Variants in SAYSD1 observed in about 807,000 individuals in gnomAD.
SAYSD1 encodes SAYSVFN motif domain containing 1.
A neutral mutation model predicts 14.5 loss-of-function variants in SAYSD1; 15 were observed. The ratio of observed to expected loss-of-function variants is 1.03; its 90% CI spans 0.69 to 1.59. SAYSD1 has a LOEUF of 1.59. Among genes scored for constraint, SAYSD1 ranks in the 40% most tolerant of loss-of-function variants. The probability of loss-of-function intolerance (pLI) is 0.00; values close to 1 mark genes in which losing one functional copy is unlikely to be tolerated. For missense variants in SAYSD1, 247 were observed against 227.3 expected, an observed-to-expected ratio of 1.09 and a Z score of -0.56; for synonymous variants, 105 against 102.6, an observed-to-expected ratio of 1.02 and a Z score of -0.14.
chr6:39,108,703 C>G lies in SAYSD1; in HGVS notation c.208-2927G>C, dbSNP rs760645735. ...CCTCATATCACTTGGTTGACCCCTC[C>G]TACTACAAACGGCAAAAATGTCACC... On this transcript the variant is annotated intron_variant, in intron 1 of 1. Coordinates refer to ENST00000229903, the MANE Select transcript of SAYSD1 (RefSeq NM_018322.3). 6.6e-5 allele frequency among the ~76,000 whole-genome samples: 10 copies of G among 152,200 alleles called. 1 individual carries two copies. Among genetic ancestry groups the G allele is most frequent in the Middle Eastern group, 6.8e-3 (2 of 294 alleles).
At position 39,105,735 on chromosome 6, in the gene SAYSD1, C is replaced by T; in HGVS notation, c.249G>A (p.Trp83Ter). ...QPQGSTSETP[W>*]NTAIPLPSCW... is the part of the protein sequence containing the mutation. ...ACGACGGCAGAGGAATGGCTGTGTT[C>T]CATGGTGTCTCTGATGTGCTGCCCT... Residue 83 changes from tryptophan (W) to a stop codon, truncating the protein, a stop_gained, in exon 2 of 2, where the codon TGG becomes TGA. Coordinates refer to ENST00000229903, the MANE Select transcript of SAYSD1 (RefSeq NM_018322.3). LOFTEE classifies it high-confidence loss of function. 1 of 1,614,122 alleles carries T rather than the reference C, an allele frequency of 6.2e-7. No individual in the cohort carries two copies. The highest frequency in any genetic ancestry group is 8.5e-7 in the Non-Finnish European group (1 of 1,179,998).
intron 1 of SAYSD1, chr6:39,109,643 G>GT (rs1359607680): frequency 4.2e-6 from 5 of 1,198,286 alleles, no homozygotes; most frequent in African/African-American, 1.6e-5. Flanking sequence ...AGGAGATAAA[G>GT]TTTTTGGAAT....
chr6:39,113,227 G>C (rs1769662236), intron 1 of SAYSD1: 1 of 151,936 alleles, frequency 6.6e-6, no homozygotes. Flanking sequence ...AAAAATCTTT[G>C]AACTGTATGT....
Position 39,115,176 on chromosome 6 carries a change from G to T in SAYSD1, c.-87C>A. 1 of 1,288,544 alleles carries T rather than the reference G, an allele frequency of 7.8e-7. No homozygotes were observed. The highest frequency in any genetic ancestry group is 1.0e-6 in the Non-Finnish European group (1 of 965,756). 79.8% of individuals were successfully genotyped at this position (1,288,544 alleles called of 1,614,324 possible). A position where few individuals can be genotyped will look rare whatever the true frequency, so the allele number is the denominator to read the frequency against. On this transcript the variant is annotated 5_prime_UTR_variant, in exon 1 of 2. Coordinates refer to ENST00000229903, the MANE Select transcript of SAYSD1 (RefSeq NM_018322.3). The stretch of plus-strand genomic sequence containing the variant: ...TGCCTCCGCTCGGCCCGCGCCGGCC[G>T]CCGTGCGCCTGCGTGGCAGAAGCCC...
rs879583609 is a variant in SAYSD1 at position 39,115,073 on chromosome 6, G to C, written c.17C>G (p.Ala6Gly). 2.5e-6 allele frequency: 4 copies of C among 1,607,894 alleles called. No homozygotes were observed. Among genetic ancestry groups the C allele is most frequent in the Non-Finnish European group, 3.4e-6 (4 of 1,179,656 alleles). Reference sequence around the variant, plus strand: ...CCGTTTCCGCGCCGCCCGAAACTCAGCTAACCGCTGTTCCATGGCGCGCGC... The same window carrying C: ...CCGTTTCCGCGCCGCCCGAAACTCACCTAACCGCTGTTCCATGGCGCGCGC... MEQRL[A>G]EFRAARKRAG... The change falls in exon 1 of 2, where the codon GCT becomes GGT. Residue 6 changes from alanine (A) to glycine (G), a missense_variant. Ala to Gly is a moderately conservative substitution (Grantham distance 60, BLOSUM62 0). Transcript: ENST00000229903.
chr6:39,105,007 C>A lies in SAYSD1; in HGVS notation c.*425G>T, dbSNP rs1208172817. 1 of 155,858 alleles carries A rather than the reference C, an allele frequency of 6.4e-6. No homozygotes were observed. Among genetic ancestry groups the A allele is most frequent in the East Asian group, 1.9e-4 (1 of 5,276 alleles). The allele number at this position is 155,858 out of a possible 1,614,324, so 9.7% of individuals were successfully genotyped here. On this transcript the variant is annotated 3_prime_UTR_variant, in exon 2 of 2. Transcript: ENST00000229903. ...ACCCAAAACTTGCAACCTAAACTCT[C>A]CGGGAAAAAAAAAATTGCTATAAAT...
Position 39,104,536 on chromosome 6 carries a change from T to G in SAYSD1, c.*896A>C, listed in dbSNP as rs1769456198. On this transcript the variant is annotated 3_prime_UTR_variant, in exon 2 of 2. Coordinates refer to ENST00000229903, the MANE Select transcript of SAYSD1 (RefSeq NM_018322.3). ...CTAGGTTGCGTGCTCCTTATGAGAC[T>G]CTAATGCCTGATGATCTGAGGTGGA... 1.3e-5 allele frequency: 2 copies of G among 152,008 alleles called. No homozygotes were observed. Among genetic ancestry groups the G allele is most frequent in the Admixed American group, 1.3e-4 (2 of 15,266 alleles). The allele number at this position is 152,008 out of a possible 1,614,324, so 9.4% of individuals were successfully genotyped here.
In SAYSD1 at chr6:39,114,873, A is replaced by G. The variant is rs2113742498; in HGVS notation, c.207+10T>C. 1 of 1,609,390 alleles carries G rather than the reference A, an allele frequency of 6.2e-7. No individual in the cohort carries two copies. Among genetic ancestry groups the G allele is most frequent in the Non-Finnish European group, 8.5e-7 (1 of 1,177,950 alleles). ...GCCAGGTCCTAGGGCCGAAGTTTCC[A>G]TCGTCTCACCTGAACTAGGCCGGGC... On this transcript the variant is annotated intron_variant, in intron 1 of 1. Transcript: ENST00000229903.
intron 1 of SAYSD1, chr6:39,112,905 GAAGT>G (rs1438696084): frequency 3.2e-5 from 5 of 154,940 alleles, no homozygotes; most frequent in East Asian, 1.9e-4. Flanking sequence ...AGCAGAAGGA[GAAGT>G]AAGTATCAAA....
intron 1 of SAYSD1, chr6:39,112,527 T>A (rs746631126): frequency 6.6e-6 from 1 of 152,532 alleles, no homozygotes; most frequent in African/African-American, 2.4e-5. Context: ...AAGATAATAA[T>A]GAGTTTTTAA....
chr6:39,106,432 C>G (rs938285809), intron 1 of SAYSD1, among the ~76,000 whole-genome samples: 9 of 152,120 alleles, frequency 5.9e-5, no homozygotes, highest in African/African-American at 2.2e-4. Flanking sequence ...GAGGCCAAGG[C>G]ATGAGAATCG....
In SAYSD1 at chr6:39,105,304, AG is replaced by A. The variant is rs1204872645; in HGVS notation, c.*127del. ...CAGCAAAAGATCAGGGAAAGAAGGT[AG>A]AAAAACTATGCAGTCACAGAGCTAA... On this transcript the variant is annotated 3_prime_UTR_variant, in exon 2 of 2. Transcript: ENST00000229903. The A allele has an allele frequency of 1.4e-6, 1 of 715,192 alleles. No individual in the cohort carries two copies. The highest frequency in any genetic ancestry group is 2.3e-6 in the Non-Finnish European group (1 of 427,238). The allele number at this position is 715,192 out of a possible 1,614,324, so 44.3% of individuals were successfully genotyped here.
At chr6:39,114,729 G>C (rs961990001) in intron 1 of SAYSD1, among the ~76,000 whole-genome samples, 154 bp downstream of exon 1, 3 of 152,248 alleles carry the variant, frequency 2.0e-5, no homozygotes, top group Admixed American at 1.3e-4. Context: ...GTGCTGACAC[G>C]TGTGGCCGGA....
In SAYSD1 at chr6:39,115,123, A is replaced by G. The variant is rs1159016599; in HGVS notation, c.-34T>C. ...CCTCGCGTCCGTTGGCCGATAAGGG[A>G]GCGCGCGCCCGCAGGCCGCACAGCA... On this transcript the variant is annotated 5_prime_UTR_variant, in exon 1 of 2. Transcript: ENST00000229903. 1 of 1,581,566 alleles carries G rather than the reference A, an allele frequency of 6.3e-7. No homozygotes were observed. The highest frequency in any genetic ancestry group is 1.1e-5 in the South Asian group (1 of 89,628).
At chr6:39,109,709 G>T in intron 1 of SAYSD1, 1 of 838,248 alleles carries the variant, frequency 1.2e-6, no homozygotes. Flanking sequence ...CATTTCCTTG[G>T]ACCTAATATC....
chr6:39,114,884 T>C lies in SAYSD1; in HGVS notation c.206A>G (p.Gln69Arg), dbSNP rs776222220. 5.0e-6 allele frequency: 8 copies of C among 1,611,820 alleles called. No homozygotes were observed. Among genetic ancestry groups the C allele is most frequent in the Non-Finnish European group, 6.8e-6 (8 of 1,179,550 alleles). The change falls in exon 1 of 2, where the codon CAG (glutamine) becomes CGG (arginine). Residue 69 changes from glutamine to arginine, a missense_variant and splice_region_variant. By Grantham distance (43) the Gln-to-Arg change is conservative. Coordinates refer to ENST00000229903, the MANE Select transcript of SAYSD1 (RefSeq NM_018322.3). Reference sequence around the variant, plus strand: ...GGGCCGAAGTTTCCATCGTCTCACCTGAACTAGGCCGGGCTGGGCCCGGGC... The same window carrying C: ...GGGCCGAAGTTTCCATCGTCTCACCCGAACTAGGCCGGGCTGGGCCCGGGC... ...ASARAQPGLV[Q>R]EAAQPQGSTS...
chr6:39,105,011 G>GA lies in SAYSD1; in HGVS notation c.*420dup, dbSNP rs556688792. 3.6e-3 allele frequency: 559 copies of GA among 153,864 alleles called. 3 individuals are homozygous for GA. The highest frequency in any genetic ancestry group is 6.2e-3 in the Non-Finnish European group (435 of 70,244). The allele number at this position is 153,864 out of a possible 1,614,324, so 9.5% of individuals were successfully genotyped here. A position where few individuals can be genotyped will look rare whatever the true frequency, so the allele number is the denominator to read the frequency against. ...AAAACTTGCAACCTAAACTCTCCGG[G>GA]AAAAAAAAAATTGCTATAAATGTTA... On this transcript the variant is annotated 3_prime_UTR_variant, in exon 2 of 2. Coordinates refer to ENST00000229903, the MANE Select transcript of SAYSD1 (RefSeq NM_018322.3).
chr6:39,113,273 T>G (rs1769663540), intron 1 of SAYSD1: 1 of 152,500 alleles, frequency 6.6e-6, no homozygotes, highest in Admixed American at 6.5e-5. Flanking sequence ...TAAACCTTAT[T>G]TCAATAAAGC....
intron 1 of SAYSD1, among the ~76,000 whole-genome samples, chr6:39,106,947 T>A (rs373343427): frequency 6.6e-6 from 1 of 152,212 alleles, no homozygotes; most frequent in Non-Finnish European, 1.5e-5. Flanking sequence ...GGAATACATT[T>A]TAGACTGTAA....
Sources: gnomAD v4.1 joint callset for allele counts (sites outside exome capture counted in the v4.1 genomes callset) on GRCh38, gnomAD v4.1.1 for gene constraint, MANE v1.5 for transcripts, NCBI Gene and HGNC (gene_info 2026-07-23, HGNC 2026-07-21) for gene names.